Variants in ROPN1L observed in about 807,000 individuals in gnomAD.
ROPN1L encodes rhophilin associated tail protein 1 like, also known as ropporin-1-like protein.
A neutral mutation model predicts 22.7 loss-of-function variants in ROPN1L; 23 were observed. The observed-to-expected ratio is 1.01, with a 90% CI of 0.73 to 1.43. ROPN1L has a LOEUF of 1.43. Among genes scored for constraint, ROPN1L ranks in the 40% most tolerant of loss-of-function variants. The pLI, the probability that ROPN1L is intolerant of heterozygous loss-of-function variation, is 0.00. For synonymous variants in ROPN1L, 116 were observed against 117.8 expected (o/e 0.98, Z 0.10); for missense variants, 271 against 291.5 (o/e 0.93, Z 0.51).
At chr5:10,482,769 G>A in the ROPN1L span, among the ~76,000 whole-genome samples, 1 of 152,356 alleles carries the variant, frequency 6.6e-6, no homozygotes, top group East Asian at 1.9e-4. Flanking sequence ...TGTCTTTGCA[G>A]TTGCAATCAG....
At chr5:10,451,133 T>G (rs1033397590) in intron 3 of ROPN1L, among the ~76,000 whole-genome samples, 1 of 152,232 alleles carries the variant, frequency 6.6e-6, no homozygotes, top group African/African-American at 2.4e-5. Flanking sequence ...ACAATTTGAT[T>G]TTCCCCCCTC....
At chr5:10,448,758 G>T (rs778285506) in intron 2 of ROPN1L, among the ~76,000 whole-genome samples, 3 of 152,214 alleles carry the variant, frequency 2.0e-5, no homozygotes, top group Non-Finnish European at 4.4e-5. Context: ...AAAGCTGTGC[G>T]CAGGCCTGAG....
Position 10,442,411 on chromosome 5 carries a change from T to G in ROPN1L, c.131+113T>G. ...ACGCGGCACTCAGCGTCCTTAAGAG[T>G]ATCAGGCAAAACTTTCCCCTTAGCA... On this transcript the variant is annotated intron_variant, in intron 1 of 4. Coordinates refer to ENST00000274134, the MANE Select transcript of ROPN1L (RefSeq NM_031916.5). 3 of 1,369,400 alleles carry G rather than the reference T, an allele frequency of 2.2e-6. No individual in the cohort carries two copies. The South Asian group carries it at 4.0e-5, about 18-fold the overall frequency. 84.8% of individuals were successfully genotyped at this position (1,369,400 alleles called of 1,614,324 possible).
In ROPN1L at chr5:10,455,962, G is replaced by A. The variant is rs552872797; in HGVS notation, c.418-5222G>A. Among the ~76,000 whole-genome samples the A allele has an allele frequency of 7.3e-5, 11 of 151,214 alleles. No individual in the cohort carries two copies. In the South Asian group the frequency reaches 1.7e-3, roughly 23 times the overall value. ...CCTTTGTTCTGATTCTGTGTAAAAC[G>A]GGCCTATTTTCATTTCCATGCCAGC... On this transcript the variant is annotated intron_variant, in intron 3 of 4. Transcript: ENST00000274134.
intron 3 of ROPN1L, among the ~76,000 whole-genome samples, chr5:10,459,132 C>G (rs1734949672): frequency 6.6e-6 from 1 of 151,698 alleles, no homozygotes; most frequent in Admixed American, 6.6e-5. Flanking sequence ...ACTTTTGCAG[C>G]TGTTCAGGCA....
chr5:10,455,082 A>G (rs1308833033), intron 3 of ROPN1L, among the ~76,000 whole-genome samples: 2 of 152,254 alleles, frequency 1.3e-5, no homozygotes, highest in African/African-American at 2.4e-5. Context: ...AAGGCATTCA[A>G]CCTCGGCCTC....
downstream of ROPN1L, among the ~76,000 whole-genome samples, chr5:10,476,109 C>T (rs1301584062): frequency 6.6e-6 from 1 of 152,232 alleles, no homozygotes; most frequent in East Asian, 1.9e-4. Context: ...GTGCGCTTAG[C>T]CACGTGACCA....
intron 4 of ROPN1L, among the ~76,000 whole-genome samples, chr5:10,463,948 C>A (rs1446163818): frequency 1.3e-5 from 2 of 152,182 alleles, no homozygotes; most frequent in African/African-American, 4.8e-5. Context: ...TTGTCCCCTC[C>A]TCCCACCCTT....
At chr5:10,459,639 G>T (rs1814855) in intron 3 of ROPN1L, among the ~76,000 whole-genome samples, 22,886 of 152,088 alleles carry the variant, frequency 0.15, 2,816 homozygotes, top group East Asian at 0.64. Flanking sequence ...AGTGCCCCTG[G>T]AATTCTCCCA....
chr5:10,442,741 C>G (rs933264107), intron 1 of ROPN1L, among the ~76,000 whole-genome samples: 21 of 152,236 alleles, frequency 1.4e-4, no homozygotes, highest in Non-Finnish European at 2.4e-4. Context: ...ATACCCAGAG[C>G]TGGTTAAATT....
Position 10,448,305 on chromosome 5 carries a change from C to G in ROPN1L, c.177C>G (p.Asp59Glu), listed in dbSNP as rs775218473. Residue 59 changes from aspartate to glutamate, a missense_variant, in exon 2 of 5, where the codon GAC becomes GAG. By Grantham distance (45) the Asp-to-Glu change is conservative. Transcript: ENST00000274134. The stretch of plus-strand genomic sequence containing the variant: ...GAGGAGATCCACTTCCTGTAAAGGA[C>G]AGAATGGAAATGCCCACGGCAACCC... ...LSRGDPLPVKDRMEMPTATQK... is the reference protein window; with the variant it reads ...LSRGDPLPVKERMEMPTATQK... 23 of 1,614,018 alleles carry G rather than the reference C, an allele frequency of 1.4e-5. No individual in the cohort carries two copies. The highest frequency in any genetic ancestry group is 1.9e-5 in the Non-Finnish European group (23 of 1,179,998).
chr5:10,461,598 G>C (rs748664382), intron 4 of ROPN1L: 25 of 409,290 alleles, frequency 6.1e-5, no homozygotes, highest in Non-Finnish European at 9.3e-5. Context: ...TGTCTACCTG[G>C]AGATAGCCTG....
At chr5:10,468,036 A>G (rs1735183596), downstream of ROPN1L, among the ~76,000 whole-genome samples, 1 of 152,114 alleles carries the variant, frequency 6.6e-6, no homozygotes. Flanking sequence ...TCACCCACAC[A>G]TCGGAGTCTC....
chr5:10,455,485 C>T (rs934250591), intron 3 of ROPN1L, among the ~76,000 whole-genome samples: 3 of 152,208 alleles, frequency 2.0e-5, no homozygotes, highest in Non-Finnish European at 4.4e-5. Context: ...TCCAGTTCCC[C>T]TGATTGCTCA....
intron 1 of ROPN1L, among the ~76,000 whole-genome samples, chr5:10,443,641 AAC>A (rs1491032942): frequency 2.0e-5 from 3 of 152,126 alleles, no homozygotes; most frequent in Admixed American, 6.5e-5. Context: ...AAAAAAAAAA[AAC>A]ACAGACATAC....
downstream of ROPN1L, among the ~76,000 whole-genome samples, chr5:10,469,435 T>C (rs1735211874): frequency 6.6e-6 from 1 of 151,404 alleles, no homozygotes; most frequent in Non-Finnish European, 1.5e-5. Context: ...CACAGTGAGC[T>C]ATGATTGCAT....
intron 1 of ROPN1L, among the ~76,000 whole-genome samples, chr5:10,447,740 G>A (rs1265246649): frequency 6.6e-6 from 1 of 152,208 alleles, no homozygotes; most frequent in Non-Finnish European, 1.5e-5. Flanking sequence ...GATTAGCCAG[G>A]TGTGGTGGTG....
chr5:10,456,959 G>A (rs570520532), intron 3 of ROPN1L, among the ~76,000 whole-genome samples: 5 of 152,290 alleles, frequency 3.3e-5, no homozygotes, highest in South Asian at 2.1e-4. Flanking sequence ...TCCTGCACAC[G>A]GTGGTGACGG....
chr5:10,470,680 T>C (rs561471262), intron 4 of ROPN1L, among the ~76,000 whole-genome samples: 3 of 152,220 alleles, frequency 2.0e-5, no homozygotes, highest in Non-Finnish European at 4.4e-5. Context: ...AATGGCTTTC[T>C]GGGCACATGT....
Sources: allele counts gnomAD v4.1 joint callset (sites outside exome capture counted in the v4.1 genomes callset), GRCh38; gene constraint gnomAD v4.1.1; transcripts MANE v1.5; gene names NCBI Gene and HGNC (gene_info 2026-07-23, HGNC 2026-07-21).